The following MECOM variants were observed in gnomAD, a reference collection of about 807,000 sequenced individuals.
MECOM encodes histone-lysine N-methyltransferase MECOM.
A neutral mutation model predicts 116.3 loss-of-function variants in MECOM; 13 were observed. The ratio of observed to expected loss-of-function variants is 0.11; its 90% confidence interval spans 0.07 to 0.18. The LOEUF (loss-of-function observed/expected upper bound fraction) is 0.18, where lower values mean the gene tolerates loss of function less well. Among genes scored for constraint, MECOM ranks in the 10% least tolerant of loss-of-function variants. The probability of loss-of-function intolerance (pLI) is 1.00; values close to 1 mark genes in which losing one functional copy is unlikely to be tolerated. For synonymous variants in MECOM, 528 were observed against 535.2 expected, an observed-to-expected ratio of 0.99 and a Z score of 0.19; for missense variants, 1,299 against 1,509.0, an observed-to-expected ratio of 0.86 and a Z score of 2.31.
chr3:169,663,671 A>C lies in MECOM; in HGVS notation c.-299T>G, dbSNP rs1776632660. ...TCTCTCCAGCATTGTCAGTTTGGAC[A>C]CCTTCGCACATGCGCGCTAGACGCC... On this transcript the variant is annotated 5_prime_UTR_variant, in exon 1 of 17. Coordinates refer to ENST00000651503, the MANE Select transcript of MECOM (RefSeq NM_004991.4). 2.5e-6 allele frequency: 1 copy of C among 399,058 alleles called. No individual in the cohort carries two copies. Among genetic ancestry groups the C allele is most frequent in the Non-Finnish European group, 4.4e-6 (1 of 225,100 alleles). 24.7% of individuals were successfully genotyped at this position (399,058 alleles called of 1,614,324 possible). A position where few individuals can be genotyped will look rare whatever the true frequency, so the allele number is the denominator to read the frequency against.
chr3:169,537,731 A>AC (rs2109202356), intron 1 of MECOM, among the ~76,000 whole-genome samples: 1 of 152,146 alleles, frequency 6.6e-6, no homozygotes, highest in Non-Finnish European at 1.5e-5. Context: ...AAAAAAAAAA[A>AC]AACTTACCCA....
At chr3:169,255,777 G>A (rs71306631) in intron 2 of MECOM, among the ~76,000 whole-genome samples, 63 of 152,174 alleles carry the variant, frequency 4.1e-4, no homozygotes, top group Non-Finnish European at 8.5e-4. Context: ...AGCTGGAAAG[G>A]CCACTTCAAC....
chr3:169,479,292 T>TGTGTGTGC (rs1287404907), intron 1 of MECOM, among the ~76,000 whole-genome samples: 1 of 151,188 alleles, frequency 6.6e-6, no homozygotes, highest in African/African-American at 2.4e-5. Flanking sequence ...TGTGTGTGTG[T>TGTGTGTGC]GCAAGAGACA....
chr3:169,492,312 T>C (rs1007693419), intron 1 of MECOM, among the ~76,000 whole-genome samples: 3 of 152,244 alleles, frequency 2.0e-5, no homozygotes, highest in Non-Finnish European at 4.4e-5. Context: ...GTCAAGTCCA[T>C]TGTATGAGAG....
At chr3:169,583,346 C>T (rs1328586349) in intron 1 of MECOM, among the ~76,000 whole-genome samples, 2 of 152,164 alleles carry the variant, frequency 1.3e-5, no homozygotes, top group African/African-American at 4.8e-5. Flanking sequence ...ATAAAACATG[C>T]ATAGACTCCA....
chr3:169,390,685 A>C (rs1277594549), intron 1 of MECOM, among the ~76,000 whole-genome samples: 1 of 152,166 alleles, frequency 6.6e-6, no homozygotes, highest in Non-Finnish European at 1.5e-5. Context: ...TCAGCTCTGC[A>C]TGTGAAATGA....
chr3:169,584,935 C>CT (rs1328350252), intron 1 of MECOM, among the ~76,000 whole-genome samples: 1 of 152,182 alleles, frequency 6.6e-6, no homozygotes, highest in Non-Finnish European at 1.5e-5. Flanking sequence ...AGTTATTTCA[C>CT]TAGAAGTGTT....
intron 2 of MECOM, among the ~76,000 whole-genome samples, chr3:169,311,192 G>A (rs1718699511): frequency 6.6e-6 from 1 of 152,154 alleles, no homozygotes; most frequent in Admixed American, 6.5e-5. Flanking sequence ...AATTATGTCA[G>A]TTGGTACAAG....
At position 169,131,470 on chromosome 3, in the gene MECOM, C is replaced by T. The variant is rs1048188960; in HGVS notation, c.572G>A (p.Ser191Asn). ...CATAGTTTCATGGGGATAGTCTTCG[C>T]TCTTCATGAACAGCAGAAGCTCCTC... ...PGEELLLFMK[S>N]EDYPHETMAP... is the part of the protein sequence containing the mutation. The change falls in exon 4 of 17, where the codon AGC becomes AAC. Residue 191 changes from serine (S) to asparagine (N), a missense_variant. Ser to Asn is a conservative substitution (Grantham distance 46). Around this residue, in one of 6 missense-constraint regions of MECOM, gnomAD observed 374 missense variants for 433.4 expected, o/e 0.86. Transcript: ENST00000651503. 6.2e-7 allele frequency: 1 copy of T among 1,614,030 alleles called. No homozygotes were observed. Among genetic ancestry groups the T allele is most frequent in the Admixed American group, 1.7e-5 (1 of 59,954 alleles).
chr3:169,334,648 G>A (rs991636868), intron 2 of MECOM, among the ~76,000 whole-genome samples: 1 of 152,096 alleles, frequency 6.6e-6, no homozygotes, highest in Non-Finnish European at 1.5e-5. Context: ...ACACTGGGAA[G>A]ACAATCAAAT....
At chr3:169,199,700 A>G (rs192262169) in intron 2 of MECOM, among the ~76,000 whole-genome samples, 37 of 152,214 alleles carry the variant, frequency 2.4e-4, no homozygotes, top group Admixed American at 1.4e-3. Flanking sequence ...TCTTATTGAA[A>G]TCTGAAAGGA....
intron 2 of MECOM, among the ~76,000 whole-genome samples, chr3:169,151,293 A>G (rs1741131316): frequency 6.6e-6 from 1 of 152,218 alleles, no homozygotes. Context: ...GCAGAGGACA[A>G]TATTTAAAAA....
At chr3:169,121,319 T>A (rs1730959816) in intron 6 of MECOM, 110 bp from the exon 7 acceptor site, 2 of 1,191,348 alleles carry the variant, frequency 1.7e-6, no homozygotes, top group East Asian at 2.6e-5. Context: ...GTTTTTCTTT[T>A]CCCCAAAGAC....
At chr3:169,378,147 G>T (rs1421300219) in intron 2 of MECOM, among the ~76,000 whole-genome samples, 1 of 150,998 alleles carries the variant, frequency 6.6e-6, no homozygotes, top group Admixed American at 6.6e-5. Context: ...AGAGAGAGGG[G>T]AGCATCACAC....
chr3:169,183,401 C>A (rs984471409), intron 2 of MECOM, among the ~76,000 whole-genome samples: 1 of 152,190 alleles, frequency 6.6e-6, no homozygotes, highest in Non-Finnish European at 1.5e-5. Flanking sequence ...GCACACTTTA[C>A]TATTGTAAGA....
At chr3:169,092,815 G>A (rs1720186127) in intron 14 of MECOM, 143 bp downstream of exon 14, 1 of 840,636 alleles carries the variant, frequency 1.2e-6, no homozygotes, top group African/African-American at 1.7e-5. Context: ...AGCATTTAAT[G>A]TGGTATTTAA....
intron 2 of MECOM, among the ~76,000 whole-genome samples, chr3:169,173,166 C>G (rs546091143): frequency 1.3e-5 from 2 of 152,180 alleles, no homozygotes; most frequent in East Asian, 3.9e-4. Flanking sequence ...CTAACAACCA[C>G]TTCCTCCTTC....
intron 1 of MECOM, among the ~76,000 whole-genome samples, chr3:169,594,370 C>A (rs1326906210): frequency 1.3e-5 from 2 of 151,854 alleles, no homozygotes; most frequent in Non-Finnish European, 2.9e-5. Flanking sequence ...ACTTAGAGTT[C>A]TTGTCCCTAA....
intron 1 of MECOM, among the ~76,000 whole-genome samples, chr3:169,549,639 C>T (rs1348878536): frequency 6.6e-6 from 1 of 152,158 alleles, no homozygotes; most frequent in East Asian, 1.9e-4. Flanking sequence ...TCTTCATCTG[C>T]CTGAGGCCCA....
Sources: gnomAD v4.1 joint callset for allele counts (sites outside exome capture counted in the v4.1 genomes callset) on GRCh38, gnomAD v4.1.1 for gene constraint, gnomAD v4.1.1 regional missense constraint, MANE v1.5 for transcripts, NCBI Gene and HGNC (gene_info 2026-07-23, HGNC 2026-07-21) for gene names.